MLLT3: variants seen among roughly 807,000 people sequenced by gnomAD.
The protein encoded by MLLT3 is protein AF-9.
MLLT3 carries 4 observed loss-of-function variants against 53.2 expected under a neutral mutation model. The observed-to-expected ratio is 0.08, with a 90% CI of 0.04 to 0.17. MLLT3 has a LOEUF of 0.17. MLLT3 is among the 10% of genes least tolerant of loss of function. The pLI, the probability that MLLT3 is intolerant of heterozygous loss-of-function variation, is 1.00. For synonymous variants in MLLT3, 283 were observed against 230.6 expected, an observed-to-expected ratio of 1.23 and a Z score of -2.06; for missense variants, 569 against 684.0, an observed-to-expected ratio of 0.83 and a Z score of 1.87.
At chr9:20,369,251 T>C (rs1821532778) in intron 5 of MLLT3, among the ~76,000 whole-genome samples, 1 of 152,132 alleles carries the variant, frequency 6.6e-6, no homozygotes, top group Non-Finnish European at 1.5e-5. Flanking sequence ...ATTTAATAGG[T>C]TGATAGTGGA....
chr9:20,573,163 GTT>G lies in MLLT3; in HGVS notation c.193+47489_193+47490del, dbSNP rs756920427. 1.3e-4 allele frequency among the ~76,000 whole-genome samples: 17 copies of G among 132,266 alleles called. No homozygotes were observed. The East Asian group carries it at 2.7e-3, about 21-fold the overall frequency. The allele number at this position is 132,266 out of a possible 152,430, so 86.8% of individuals were successfully genotyped here. A position where few individuals can be genotyped will look rare whatever the true frequency, so the allele number is the denominator to read the frequency against. ...GCTGTTGTGTTTTGTTTTTGTTCCTGTTTTTGTTTGTTTTTTTTTGTTTTGTT... is the reference window on the plus strand; with the variant it reads ...GCTGTTGTGTTTTGTTTTTGTTCCTGTTTGTTTGTTTTTTTTTGTTTTGTT... On this transcript the variant is annotated intron_variant, in intron 2 of 10. Transcript: ENST00000380338.
chr9:20,400,732 A>C (rs546349680), intron 5 of MLLT3, among the ~76,000 whole-genome samples: 7 of 151,504 alleles, frequency 4.6e-5, no homozygotes, highest in African/African-American at 1.5e-4. Context: ...GAAGGATTAC[A>C]AAAAGAAAAA....
At chr9:20,609,880 T>C (rs1201361361) in intron 2 of MLLT3, among the ~76,000 whole-genome samples, 1 of 152,150 alleles carries the variant, frequency 6.6e-6, no homozygotes, top group Non-Finnish European at 1.5e-5. Context: ...TATTTTATTT[T>C]CTCAAGAATA....
Position 20,413,962 on chromosome 9 carries a change from G to A in MLLT3, c.884C>T (p.Ala295Val), listed in dbSNP as rs1365304551. ...PPISDSEELS[A>V]KKRKKSSSEA... ...TGAGCTACTCTTTTTCCTTTTTTTGGCTGAGAGTTCTTCAGAATCTGAAAT... is the reference window on the plus strand; with the variant it reads ...TGAGCTACTCTTTTTCCTTTTTTTGACTGAGAGTTCTTCAGAATCTGAAAT... The change falls in exon 5 of 11, where the codon GCC becomes GTC. Residue 295 changes from alanine (A) to valine (V), a missense_variant. Ala to Val is a moderately conservative substitution (Grantham distance 64, BLOSUM62 0). Around this residue, in one of 5 missense-constraint regions of MLLT3, gnomAD observed 437 missense variants for 376.5 expected, o/e 1.16. Transcript: ENST00000380338. The A allele has an allele frequency of 6.2e-7, 1 of 1,612,386 alleles. No individual in the cohort carries two copies. The highest frequency in any genetic ancestry group is 1.7e-5 in the Admixed American group (1 of 59,622).
chr9:20,448,521 G>A lies in MLLT3; in HGVS notation c.277-255C>T, dbSNP rs2118847341. On this transcript the variant is annotated intron_variant, in intron 3 of 10. Coordinates refer to ENST00000380338, the MANE Select transcript of MLLT3 (RefSeq NM_004529.4). This position sits in a 1 kb window ranked among gnomAD's most constrained non-coding sequence, Gnocchi z 4.0. ...TTCTCTTCTTCCCCATGATCTTTCA[G>A]GTGACAGGATACCAGCAACATAGCC... Among the ~76,000 whole-genome samples, 1 of 152,116 alleles carries A rather than the reference G, an allele frequency of 6.6e-6. No homozygotes were observed. The highest frequency in any genetic ancestry group is 1.9e-4 in the East Asian group (1 of 5,180).
chr9:20,523,578 T>C (rs1818121993), intron 2 of MLLT3, among the ~76,000 whole-genome samples: 1 of 152,160 alleles, frequency 6.6e-6, no homozygotes, highest in Admixed American at 6.5e-5. Flanking sequence ...GAAACTGAAA[T>C]GCATTTTACT....
chr9:20,579,387 A>C (rs1248366826), intron 2 of MLLT3, among the ~76,000 whole-genome samples: 1 of 152,046 alleles, frequency 6.6e-6, no homozygotes, highest in Non-Finnish European at 1.5e-5. Flanking sequence ...AAAAAGAAAA[A>C]AAAATTAAGA....
intron 2 of MLLT3, among the ~76,000 whole-genome samples, chr9:20,548,948 A>T (rs1303325263): frequency 6.6e-6 from 1 of 151,732 alleles, no homozygotes; most frequent in African/African-American, 2.4e-5. Flanking sequence ...CCAAGTAGCT[A>T]GGACTACAGC....
At chr9:20,352,614 G>A (rs1017107944) in intron 10 of MLLT3, among the ~76,000 whole-genome samples, 1 of 151,624 alleles carries the variant, frequency 6.6e-6, no homozygotes, top group Non-Finnish European at 1.5e-5. Context: ...AGCTTATCAG[G>A]CCAGTCAGGA....
chr9:20,349,454 G>C (rs1026258890), intron 10 of MLLT3, among the ~76,000 whole-genome samples: 2 of 151,742 alleles, frequency 1.3e-5, no homozygotes, highest in Admixed American at 6.6e-5. Flanking sequence ...CCCCCAATGA[G>C]TGTTAGCCAT....
At chr9:20,614,780 A>G (rs1820783296) in intron 2 of MLLT3, among the ~76,000 whole-genome samples, 1 of 152,190 alleles carries the variant, frequency 6.6e-6, no homozygotes, top group Non-Finnish European at 1.5e-5. Context: ...TCTATATCTT[A>G]GAACTGTAAA....
intron 5 of MLLT3, among the ~76,000 whole-genome samples, chr9:20,375,897 C>T (rs1160499314): frequency 6.6e-6 from 1 of 152,052 alleles, no homozygotes; most frequent in African/African-American, 2.4e-5. Flanking sequence ...CCTGAGCCAC[C>T]GCGCCCGGAC....
chr9:20,533,031 A>G (rs1818386163), intron 2 of MLLT3: 1 of 272,032 alleles, frequency 3.7e-6, no homozygotes, highest in South Asian at 3.9e-5. Flanking sequence ...GACTGCACAC[A>G]ACATGGATCC....
intron 2 of MLLT3, among the ~76,000 whole-genome samples, chr9:20,504,999 A>C (rs540599779): frequency 6.6e-6 from 1 of 152,138 alleles, no homozygotes; most frequent in South Asian, 2.1e-4. Context: ...AGTTCAGGTG[A>C]AAAAAAAGAA....
chr9:20,499,322 A>C (rs1442439615), intron 2 of MLLT3, among the ~76,000 whole-genome samples: 1 of 152,160 alleles, frequency 6.6e-6, no homozygotes, highest in Non-Finnish European at 1.5e-5. Flanking sequence ...ATTTGGGAGG[A>C]TATAACTCAG....
chr9:20,564,291 A>G (rs1464554552), intron 2 of MLLT3, among the ~76,000 whole-genome samples: 1 of 151,980 alleles, frequency 6.6e-6, no homozygotes, highest in Non-Finnish European at 1.5e-5. Flanking sequence ...GGTGTCAGAA[A>G]AGTTTCATGC....
At chr9:20,437,832 T>A (rs1204856710) in intron 4 of MLLT3, among the ~76,000 whole-genome samples, 1 of 152,178 alleles carries the variant, frequency 6.6e-6, no homozygotes, top group African/African-American at 2.4e-5. Flanking sequence ...AATCTTTACT[T>A]TAAAAAAACA....
At chr9:20,383,525 A>AT (rs1268843207) in intron 5 of MLLT3, among the ~76,000 whole-genome samples, 3 of 151,950 alleles carry the variant, frequency 2.0e-5, no homozygotes, top group Non-Finnish European at 4.4e-5. Context: ...ATGGGGAAAC[A>AT]TAAGTAATAG....
chr9:20,368,737 C>A (rs963782871), intron 5 of MLLT3, among the ~76,000 whole-genome samples: 5 of 152,116 alleles, frequency 3.3e-5, no homozygotes, highest in Non-Finnish European at 2.9e-5. Flanking sequence ...GCTTTTTATT[C>A]ATCATTTATG....
Sources: allele counts gnomAD v4.1 joint callset (sites outside exome capture counted in the v4.1 genomes callset), GRCh38; gene constraint gnomAD v4.1.1; regional missense constraint gnomAD v4.1.1; non-coding constraint Gnocchi (gnomAD v3.1); transcripts MANE v1.5; gene names NCBI Gene and HGNC (gene_info 2026-07-23, HGNC 2026-07-21).